The following WDFY3 variants were observed in gnomAD, a reference collection of about 807,000 sequenced individuals.
WDFY3 encodes WD repeat and FYVE domain-containing protein 3.
In WDFY3, 66 loss-of-function variants were observed where a neutral mutation model predicts 409.6. The observed-to-expected ratio is 0.16, with a 90% CI of 0.13 to 0.20. The LOEUF (loss-of-function observed/expected upper bound fraction) is 0.20. WDFY3 is among the 10% of genes least tolerant of loss of function. The probability of loss-of-function intolerance (pLI) is 1.00; values close to 1 mark genes in which losing one functional copy is unlikely to be tolerated. For synonymous variants in WDFY3, 1,521 were observed against 1,537.1 expected (o/e 0.99, Z 0.25); for missense variants, 3,031 against 4,298.1 (o/e 0.71, Z 8.24).
intron 62 of WDFY3, among the ~76,000 whole-genome samples, 175 bp from the exon 63 acceptor site, chr4:84,684,300 C>T (rs904620246): frequency 2.0e-5 from 3 of 152,016 alleles, no homozygotes; most frequent in Admixed American, 6.6e-5. Context: ...AAAAATACTC[C>T]GAACAGAGGC....
chr4:84,829,850 T>TAAA (rs1553975927), intron 8 of WDFY3, among the ~76,000 whole-genome samples: 41 of 150,292 alleles, frequency 2.7e-4, no homozygotes, highest in Admixed American at 5.3e-4. Context: ...AATAAATAAA[T>TAAA]TAGAGAGACT....
intron 15 of WDFY3, among the ~76,000 whole-genome samples, 197 bp downstream of exon 15, chr4:84,808,137 A>C (rs570052106): frequency 6.6e-6 from 1 of 152,070 alleles, no homozygotes; most frequent in African/African-American, 2.4e-5. Flanking sequence ...CATAGCATCA[A>C]CACATTTTAC....
At chr4:84,898,113 A>G (rs1349459942) in intron 2 of WDFY3, among the ~76,000 whole-genome samples, 2 of 152,220 alleles carry the variant, frequency 1.3e-5, no homozygotes, top group East Asian at 3.9e-4. Context: ...ATTTAAATAT[A>G]TGAAGTAAAA....
intron 58 of WDFY3, among the ~76,000 whole-genome samples, chr4:84,695,457 G>C (rs1255467043): frequency 6.7e-6 from 1 of 150,062 alleles, no homozygotes; most frequent in African/African-American, 2.5e-5. Flanking sequence ...CCGTGTGTGT[G>C]TGTGTGTGTG....
chr4:84,675,414 A>C (rs1011704877), intron 67 of WDFY3, among the ~76,000 whole-genome samples: 1 of 152,198 alleles, frequency 6.6e-6, no homozygotes, highest in Non-Finnish European at 1.5e-5. Flanking sequence ...TTAAGGAATC[A>C]AATGATGGAA....
At chr4:84,740,056 C>T (rs920993156) in intron 39 of WDFY3, 131 bp downstream of exon 39, 5 of 950,726 alleles carry the variant, frequency 5.3e-6, no homozygotes, top group Non-Finnish European at 7.8e-6. Context: ...TGCCCTTTAC[C>T]TTTTTACATA....
At chr4:84,906,237 ATCT>A (rs943465253) in intron 2 of WDFY3, among the ~76,000 whole-genome samples, 24 of 152,310 alleles carry the variant, frequency 1.6e-4, no homozygotes, top group Admixed American at 1.1e-3. Flanking sequence ...ATAATTTATG[ATCT>A]TCTCTCATGA....
intron 6 of WDFY3, among the ~76,000 whole-genome samples, chr4:84,837,382 CACTT>C (rs1352437840): frequency 2.0e-5 from 3 of 152,074 alleles, no homozygotes; most frequent in Non-Finnish European, 2.9e-5. Flanking sequence ...TAGAAAAAGA[CACTT>C]AATAACTACG....
At chr4:84,723,599 G>C (rs929756342) in intron 46 of WDFY3, among the ~76,000 whole-genome samples, 7 of 152,022 alleles carry the variant, frequency 4.6e-5, no homozygotes, top group Non-Finnish European at 8.8e-5. Flanking sequence ...TTCTGTGCTA[G>C]TCATGTGTCA....
chr4:84,733,906 T>C (rs1737010963), intron 43 of WDFY3, among the ~76,000 whole-genome samples: 1 of 152,114 alleles, frequency 6.6e-6, no homozygotes, highest in South Asian at 2.1e-4. Context: ...GATGGTAATA[T>C]TACTATGAAT....
intron 3 of WDFY3, among the ~76,000 whole-genome samples, chr4:84,895,866 G>A (rs1226139013): frequency 2.0e-5 from 3 of 152,072 alleles, no homozygotes; most frequent in East Asian, 1.9e-4. Flanking sequence ...TGGGTGATAC[G>A]AACAATGGTA....
Position 84,860,466 on chromosome 4 carries a change from C to T in WDFY3, c.126G>A (p.Met42Ile). The change falls in exon 4 of 68, where the codon ATG becomes ATA. Residue 42 changes from methionine (M) to isoleucine (I), a missense_variant. Transcript: ENST00000295888. The stretch of plus-strand genomic sequence containing the variant: ...GTTTCTCTTCTTGTTCCTTCTGAGT[C>T]ATGTGCCGGGGAGGATGGCACAACT... ...FTELCHPPRH[M>I]TQKEQEEKLY... 1 of 1,614,110 alleles carries T rather than the reference C, an allele frequency of 6.2e-7. No individual in the cohort carries two copies. The highest frequency in any genetic ancestry group is 8.5e-7 in the Non-Finnish European group (1 of 1,180,000).
At chr4:84,682,280 G>C in intron 64 of WDFY3, 94 bp downstream of exon 64, 1 of 1,182,636 alleles carries the variant, frequency 8.5e-7, no homozygotes, top group African/African-American at 1.5e-5. Flanking sequence ...CCCAACCTTG[G>C]GCTCCTCTTT....
chr4:84,754,241 G>T (rs1741032790), intron 34 of WDFY3, among the ~76,000 whole-genome samples: 1 of 152,114 alleles, frequency 6.6e-6, no homozygotes, highest in African/African-American at 2.4e-5. Flanking sequence ...TAAGTTAGGA[G>T]TAAGATAAAA....
At chr4:84,939,777 G>A (rs547021187) in intron 1 of WDFY3, among the ~76,000 whole-genome samples, 13 of 152,056 alleles carry the variant, frequency 8.5e-5, no homozygotes, top group Admixed American at 5.9e-4. Context: ...GGCTCACATG[G>A]TATGTGCCCT....
chr4:84,827,890 G>A (rs1560862357), intron 9 of WDFY3, among the ~76,000 whole-genome samples: 1 of 152,128 alleles, frequency 6.6e-6, no homozygotes, highest in East Asian at 1.9e-4. Flanking sequence ...GCTAAGGCAG[G>A]AGGACTGCTT....
chr4:84,907,347 C>G lies in WDFY3; in HGVS notation c.-131-10337G>C, dbSNP rs374403538. On this transcript the variant is annotated intron_variant, in intron 2 of 67. Transcript: ENST00000295888. ...AAGACATTATGACTTCCTTCTTGCTCTCTCTCAGATTACTTGCCCTGAAGG... is the reference window on the plus strand; with the variant it reads ...AAGACATTATGACTTCCTTCTTGCTGTCTCTCAGATTACTTGCCCTGAAGG... 5.3e-5 allele frequency among the ~76,000 whole-genome samples: 8 copies of G among 152,292 alleles called. No individual in the cohort carries two copies. In the East Asian group the frequency reaches 9.7e-4, roughly 18 times the overall value.
At chr4:84,702,251 T>C (rs1286488736) in intron 56 of WDFY3, 102 bp downstream of exon 56, 3 of 1,253,610 alleles carry the variant, frequency 2.4e-6, no homozygotes, top group Admixed American at 2.8e-5. Flanking sequence ...TCAAATTTTT[T>C]TCTTGTTAAT....
At chr4:84,878,241 A>T (rs1245602733) in intron 3 of WDFY3, among the ~76,000 whole-genome samples, 1 of 152,172 alleles carries the variant, frequency 6.6e-6, no homozygotes, top group Non-Finnish European at 1.5e-5. Context: ...CTCCGCTGGA[A>T]ATTCAAGCAT....
Sources: allele counts gnomAD v4.1 joint callset (sites outside exome capture counted in the v4.1 genomes callset), GRCh38; gene constraint gnomAD v4.1.1; transcripts MANE v1.5; gene names NCBI Gene and HGNC (gene_info 2026-07-23, HGNC 2026-07-21).